The following SERPINB8 variants were observed in gnomAD, a reference collection of about 807,000 sequenced individuals.
SERPINB8 encodes the protein serpin B8.
In SERPINB8, 25 loss-of-function variants were observed where a neutral mutation model predicts 35.3. That is an observed-to-expected ratio of 0.71 (90% CI 0.52 to 0.99). SERPINB8 has a LOEUF of 0.99. Among genes scored for constraint, SERPINB8 ranks in the 50% least tolerant of loss-of-function variants. The pLI, the probability that SERPINB8 is intolerant of heterozygous loss-of-function variation, is 0.00. For synonymous variants in SERPINB8, 186 were observed against 160.8 expected, an observed-to-expected ratio of 1.16 and a Z score of -1.19; for missense variants, 484 against 446.5, an observed-to-expected ratio of 1.08 and a Z score of -0.76.
intron 1 of SERPINB8, among the ~76,000 whole-genome samples, chr18:63,971,117 A>G (rs1001147763): frequency 6.6e-6 from 1 of 152,022 alleles, no homozygotes; most frequent in Non-Finnish European, 1.5e-5. Flanking sequence ...TCGTCTCCCC[A>G]GTTCTCCCAG....
At chr18:63,976,930 C>T (rs2050591662) in intron 1 of SERPINB8, among the ~76,000 whole-genome samples, 2 of 150,892 alleles carry the variant, frequency 1.3e-5, no homozygotes, top group Admixed American at 1.3e-4. Context: ...TTTGTCTTTC[C>T]AGTAGCCTCA....
intron 1 of SERPINB8, among the ~76,000 whole-genome samples, chr18:64,003,939 C>T (rs2050888226): frequency 6.6e-6 from 1 of 152,138 alleles, no homozygotes. Context: ...GTCTGGGCAT[C>T]CTGTGGCCCA....
chr18:64,016,284 G>A (rs973799978), intron 7 of SERPINB8, among the ~76,000 whole-genome samples: 2 of 152,170 alleles, frequency 1.3e-5, no homozygotes, highest in Non-Finnish European at 2.9e-5. Flanking sequence ...TACTGAGACC[G>A]TTTTTCCCAA....
intron 1 of SERPINB8, among the ~76,000 whole-genome samples, chr18:64,001,447 C>CTTTCT (rs988019233): frequency 1.9e-4 from 28 of 146,838 alleles, no homozygotes; most frequent in Non-Finnish European, 2.7e-4. Flanking sequence ...AAGGATTCTG[C>CTTTCT]TTTCTTTTCT....
chr18:63,989,861 T>C (rs1373301440), downstream of SERPINB8, among the ~76,000 whole-genome samples: 1 of 132,558 alleles, frequency 7.5e-6, no homozygotes, highest in Non-Finnish European at 1.5e-5. Context: ...GAGAATGGCG[T>C]GAACCCGGGA....
downstream of SERPINB8, among the ~76,000 whole-genome samples, chr18:63,994,003 C>A (rs1333425816): frequency 6.6e-6 from 1 of 152,142 alleles, no homozygotes; most frequent in African/African-American, 2.4e-5. Flanking sequence ...CACTCTCTTG[C>A]ACTCAAGCTC....
chr18:63,996,725 T>C lies in SERPINB8; in HGVS notation c.71-8094T>C, dbSNP rs1278184388. On this transcript the variant is annotated intron_variant, in intron 1 of 1. Coordinates refer to the SERPINB8 transcript ENST00000493661. ...TTCACGCAGCAACCCAACTACACCA[T>C]TAACAGACAGAGACCCCAAGTGAAT... 2.0e-5 allele frequency among the ~76,000 whole-genome samples: 3 copies of C among 152,204 alleles called. No individual in the cohort carries two copies. The East Asian group carries it at 5.8e-4, about 29-fold the overall frequency.
rs71162692 is a variant in SERPINB8, at chr18:63,971,998, C to CTT, written c.-11+1838_-11+1839dup. 2.2e-3 allele frequency among the ~76,000 whole-genome samples: 323 copies of CTT among 148,712 alleles called. 1 individual carries two copies. Among genetic ancestry groups the CTT allele is most frequent in the African/African-American group, 7.1e-3 (289 of 40,694 alleles). On this transcript the variant is annotated intron_variant, in intron 1 of 6. Transcript: ENST00000397985. ...AATGCCTGCCCGGCTTTTCTTTTTT[C>CTT]TTTTTTTTTTTGATATGTGGTTTTA... is the stretch of plus-strand genomic sequence containing the variant.
chr18:63,995,515 G>A (rs984814993), intron 1 of SERPINB8, among the ~76,000 whole-genome samples: 9 of 152,178 alleles, frequency 5.9e-5, no homozygotes, highest in Non-Finnish European at 1.0e-4. Flanking sequence ...AGGCCTTTAC[G>A]TTATGGCTCC....
downstream of SERPINB8, among the ~76,000 whole-genome samples, chr18:64,010,049 A>G (rs765517260): frequency 1.3e-5 from 2 of 152,154 alleles, no homozygotes; most frequent in Non-Finnish European, 2.9e-5. Flanking sequence ...AAAGATAATT[A>G]TCTTAAATAT....
chr18:64,011,971 CAGTT>C (rs1461217151), intron 7 of SERPINB8, among the ~76,000 whole-genome samples: 2 of 152,082 alleles, frequency 1.3e-5, no homozygotes, highest in Non-Finnish European at 2.9e-5. Context: ...TGTTTGGTGA[CAGTT>C]AGAAGTGTTT....
chr18:63,989,289 A>G lies in SERPINB8; in HGVS notation c.*2011A>G, dbSNP rs536996343. On this transcript the variant is annotated 3_prime_UTR_variant, in exon 7 of 7. Transcript: ENST00000397985. ...TAGGTATACCATGATTTGTTGATGA[A>G]CAAATTTACCTGTTGATGAACATTT... 1.3e-5 allele frequency: 2 copies of G among 152,330 alleles called. No homozygotes were observed. Among genetic ancestry groups the G allele is most frequent in the South Asian group, 2.1e-4 (1 of 4,830 alleles). 9.4% of individuals were successfully genotyped at this position (152,330 alleles called of 1,614,324 possible).
chr18:63,976,243 CA>C (rs2050579984), intron 1 of SERPINB8, among the ~76,000 whole-genome samples: 1 of 151,964 alleles, frequency 6.6e-6, no homozygotes, highest in Non-Finnish European at 1.5e-5. Context: ...ATTGTAAGAA[CA>C]AAAAGGCTGA....
chr18:63,997,322 G>C (rs213067), intron 1 of SERPINB8, among the ~76,000 whole-genome samples: 10,112 of 152,230 alleles, frequency 0.066, 1,070 homozygotes, highest in African/African-American at 0.23. Context: ...TGTGGCTTAA[G>C]AGTATTCTCT....
At chr18:63,983,804 A>G in intron 5 of SERPINB8, 83 bp downstream of exon 5, 1 of 937,396 alleles carries the variant, frequency 1.1e-6, no homozygotes, top group Non-Finnish European at 1.7e-6. Flanking sequence ...TGAATAATTT[A>G]TTTGACATGA....
downstream of SERPINB8, among the ~76,000 whole-genome samples, chr18:64,006,765 T>A (rs777068597): frequency 6.6e-6 from 1 of 152,224 alleles, no homozygotes; most frequent in Non-Finnish European, 1.5e-5. Flanking sequence ...TACTTATGAC[T>A]AGAGTACTTT....
chr18:64,001,138 A>T (rs1052365711), intron 1 of SERPINB8, among the ~76,000 whole-genome samples: 2 of 152,148 alleles, frequency 1.3e-5, no homozygotes, highest in Non-Finnish European at 2.9e-5. Context: ...CTTTTAACCT[A>T]TTTGTGTAAA....
chr18:63,974,162 GT>G (rs144005621), intron 1 of SERPINB8, among the ~76,000 whole-genome samples: 4,104 of 152,082 alleles, frequency 0.027, 172 homozygotes, highest in African/African-American at 0.094. Context: ...TTATTTACTT[GT>G]TTTTTTCTGA....
At chr18:63,994,911 G>A (rs953103406) in intron 1 of SERPINB8, among the ~76,000 whole-genome samples, 4 of 152,170 alleles carry the variant, frequency 2.6e-5, no homozygotes, top group African/African-American at 9.7e-5. Flanking sequence ...AATGCCTAAG[G>A]CATGGAAAGA....
Sources: gnomAD v4.1 joint callset for allele counts (sites outside exome capture counted in the v4.1 genomes callset) on GRCh38, gnomAD v4.1.1 for gene constraint, MANE v1.5 for transcripts, NCBI Gene and HGNC (gene_info 2026-07-23, HGNC 2026-07-21) for gene names.